VWA3B: variants seen among roughly 807,000 people sequenced by gnomAD.
The protein encoded by VWA3B is von Willebrand factor A domain containing 3B, also known as von Willebrand factor A domain-containing protein 3B.
A neutral mutation model predicts 158.3 loss-of-function variants in VWA3B; 138 were observed. The ratio of observed to expected loss-of-function variants is 0.87; its 90% confidence interval spans 0.76 to 1.00. VWA3B has a LOEUF of 1.00. Ranked by LOEUF, VWA3B falls within the 50% of genes least tolerant of loss-of-function variation. The pLI is 0.00. For missense variants in VWA3B, 1,555 were observed against 1,565.1 expected (o/e 0.99, Z 0.11); for synonymous variants, 596 against 587.3 (o/e 1.01, Z -0.21).
At chr2:98,277,945 A>G (rs181518758) in intron 22 of VWA3B, among the ~76,000 whole-genome samples, 8 of 152,056 alleles carry the variant, frequency 5.3e-5, no homozygotes, top group Admixed American at 4.6e-4. Flanking sequence ...ACCAATTGTC[A>G]TTCTTCAATT....
At chr2:98,304,541 C>A (rs993558758) in intron 26 of VWA3B, among the ~76,000 whole-genome samples, 1 of 152,184 alleles carries the variant, frequency 6.6e-6, no homozygotes, top group Non-Finnish European at 1.5e-5. Context: ...TTACCTTCTA[C>A]TTCGTCAAAG....
intron 21 of VWA3B, among the ~76,000 whole-genome samples, chr2:98,258,464 T>C (rs990535824): frequency 6.6e-6 from 1 of 151,892 alleles, no homozygotes; most frequent in Non-Finnish European, 1.5e-5. Flanking sequence ...ATTTTAACAA[T>C]ATTGTTTTCC....
intron 2 of VWA3B, among the ~76,000 whole-genome samples, chr2:98,113,782 C>T (rs982014146): frequency 2.0e-5 from 3 of 152,120 alleles, no homozygotes; most frequent in African/African-American, 7.2e-5. Flanking sequence ...TTGTGACTGG[C>T]CTCTTTTACT....
chr2:98,271,530 T>G (rs1312253780), intron 22 of VWA3B, among the ~76,000 whole-genome samples: 2 of 152,228 alleles, frequency 1.3e-5, no homozygotes, highest in Non-Finnish European at 2.9e-5. Flanking sequence ...GCTTTTAAAT[T>G]TAGCATTATT....
intron 19 of VWA3B, among the ~76,000 whole-genome samples, chr2:98,246,863 C>T (rs1174079194): frequency 6.6e-6 from 1 of 151,972 alleles, no homozygotes; most frequent in South Asian, 2.1e-4. Context: ...AAGTGCAATA[C>T]CATTTTTTGT....
intron 12 of VWA3B, among the ~76,000 whole-genome samples, chr2:98,198,475 C>T (rs2105457096): frequency 6.6e-6 from 1 of 152,214 alleles, no homozygotes; most frequent in South Asian, 2.1e-4. Context: ...CAGTTAGACT[C>T]ATTGGTTACA....
chr2:98,324,663 A>G, the VWA3B span, among the ~76,000 whole-genome samples: 2 of 152,350 alleles, frequency 1.3e-5, no homozygotes, highest in African/African-American at 4.8e-5. Flanking sequence ...CCTAACATTT[A>G]TAAAGTATGG....
At chr2:98,195,624 T>C (rs1032341130) in intron 12 of VWA3B, among the ~76,000 whole-genome samples, 10 of 152,016 alleles carry the variant, frequency 6.6e-5, no homozygotes, top group African/African-American at 2.2e-4. Flanking sequence ...TAATAGGAAA[T>C]ACCTTGTTAA....
intron 13 of VWA3B, among the ~76,000 whole-genome samples, chr2:98,216,446 C>T (rs1033548426): frequency 6.6e-6 from 1 of 152,226 alleles, no homozygotes; most frequent in African/African-American, 2.4e-5. Context: ...TGGCTAAAGC[C>T]TTAGCATAGG....
chr2:98,146,507 C>G (rs1409468767), intron 7 of VWA3B, among the ~76,000 whole-genome samples: 2 of 152,194 alleles, frequency 1.3e-5, no homozygotes. Context: ...CCTCTCTTAA[C>G]CAAGTAGGCA....
intron 12 of VWA3B, among the ~76,000 whole-genome samples, chr2:98,211,708 C>G (rs1203336471): frequency 2.6e-5 from 4 of 152,198 alleles, no homozygotes; most frequent in East Asian, 1.9e-4. Flanking sequence ...AATCCACAGT[C>G]CTGACTTCTA....
intron 5 of VWA3B, among the ~76,000 whole-genome samples, chr2:98,122,832 G>T (rs1009083713): frequency 6.6e-5 from 10 of 152,204 alleles, no homozygotes; most frequent in African/African-American, 2.4e-4. Context: ...GAACAATTCA[G>T]TGAGTTCCAG....
chr2:98,316,426 T>C (rs1691087748), downstream of VWA3B, among the ~76,000 whole-genome samples: 1 of 152,104 alleles, frequency 6.6e-6, no homozygotes, highest in Admixed American at 6.5e-5. Context: ...GTGGATCATT[T>C]GAGCTCAGAA....
chr2:98,256,464 A>G (rs1040987211), intron 21 of VWA3B, among the ~76,000 whole-genome samples: 1 of 152,162 alleles, frequency 6.6e-6, no homozygotes, highest in African/African-American at 2.4e-5. Context: ...GGAATCATAC[A>G]GCATGTGACC....
intron 7 of VWA3B, among the ~76,000 whole-genome samples, chr2:98,135,601 C>T (rs1166527220): frequency 6.6e-6 from 1 of 152,032 alleles, no homozygotes; most frequent in African/African-American, 2.4e-5. Flanking sequence ...TCCCAAAGTG[C>T]TGGGATTACA....
At chr2:98,292,307 A>G (rs1411231725) in intron 23 of VWA3B, among the ~76,000 whole-genome samples, 1 of 152,196 alleles carries the variant, frequency 6.6e-6, no homozygotes. Flanking sequence ...CAACAGTTAA[A>G]AGAATAATTA....
intron 6 of VWA3B, among the ~76,000 whole-genome samples, chr2:98,131,621 CTTT>C (rs372244825): frequency 1.3e-5 from 2 of 152,046 alleles, no homozygotes; most frequent in African/African-American, 4.8e-5. Flanking sequence ...GTCATTTTTT[CTTT>C]TTGATAACAG....
chr2:98,194,549 AG>A, intron 12 of VWA3B, 57 bp downstream of exon 12: 1 of 1,583,282 alleles, frequency 6.3e-7, no homozygotes, highest in Non-Finnish European at 8.6e-7. Context: ...CTGTGTACTG[AG>A]TTCATTCACA....
At position 98,302,744 on chromosome 2, in the gene VWA3B, C is replaced by G. The variant is rs192131918; in HGVS notation, c.3421-958C>G. On this transcript the variant is annotated intron_variant, in intron 25 of 27. Coordinates refer to ENST00000477737, the MANE Select transcript of VWA3B (RefSeq NM_144992.5). ...AGACAATCTGGCTCCATGGCCTACCCTCTAAACTACCATGCCCGGCTGCCT... is the reference window on the plus strand; with the variant it reads ...AGACAATCTGGCTCCATGGCCTACCGTCTAAACTACCATGCCCGGCTGCCT... 5.6e-4 allele frequency among the ~76,000 whole-genome samples: 85 copies of G among 152,314 alleles called. 1 individual carries two copies. Among genetic ancestry groups the G allele is most frequent in the Middle Eastern group, 3.4e-3 (1 of 294 alleles).
Sources: gnomAD v4.1 joint callset for allele counts (sites outside exome capture counted in the v4.1 genomes callset) on GRCh38, gnomAD v4.1.1 for gene constraint, MANE v1.5 for transcripts, NCBI Gene and HGNC (gene_info 2026-07-23, HGNC 2026-07-21) for gene names.